Variants in BRK1 observed in about 807,000 individuals in gnomAD.
BRK1 encodes BRICK1 subunit of SCAR/WAVE actin nucleating complex.
In BRK1, 6 loss-of-function variants were observed where a neutral mutation model predicts 9.9. The observed-to-expected ratio is 0.60, with a 90% CI of 0.33 to 1.19. BRK1 has a LOEUF of 1.19. Ranked by LOEUF, BRK1 falls within the 50% of genes most tolerant of loss-of-function variation. The pLI is 0.04. For missense variants in BRK1, 62 were observed against 97.5 expected, an observed-to-expected ratio of 0.64 and a Z score of 1.53; for synonymous variants, 44 against 31.9, an observed-to-expected ratio of 1.38 and a Z score of -1.28.
chr3:10,121,530 A>C (rs1695755620), intron 1 of BRK1, among the ~76,000 whole-genome samples: 1 of 149,854 alleles, frequency 6.7e-6, no homozygotes, highest in Admixed American at 6.6e-5. Context: ...TGTTCCACTA[A>C]TATACCAGAA....
intron 1 of BRK1, among the ~76,000 whole-genome samples, chr3:10,122,957 A>T (rs1437583483): frequency 6.6e-6 from 1 of 152,204 alleles, no homozygotes; most frequent in Non-Finnish European, 1.5e-5. Flanking sequence ...CAGGGAATAG[A>T]TGAAAAGGAA....
intron 1 of BRK1, among the ~76,000 whole-genome samples, chr3:10,118,238 C>T (rs1166355131): frequency 7.3e-6 from 1 of 137,046 alleles, no homozygotes; most frequent in Non-Finnish European, 1.5e-5. Flanking sequence ...GGGCAAAAGA[C>T]GAGACTCTGT....
At position 10,123,732 on chromosome 3, in the gene BRK1, C is replaced by CTTTTTTTTTTTTT. The variant is rs71626962; in HGVS notation, c.119-1885_119-1873dup. On this transcript the variant is annotated intron_variant, in intron 1 of 2. Transcript: ENST00000530758. ...ACAGGCCTGAGCCACCGTGCCTGGC[C>CTTTTTTTTTTTTT]TTTTTTTTTTTTTTTTTTTTTGAGA... Among the ~76,000 whole-genome samples, 3 of 48,694 alleles carry CTTTTTTTTTTTTT rather than the reference C, an allele frequency of 6.2e-5. 1 individual carries two copies. The highest frequency in any genetic ancestry group is 4.5e-4 in the African/African-American group (3 of 6,698). 31.9% of individuals were successfully genotyped at this position (48,694 alleles called of 152,430 possible).
intron 1 of BRK1, among the ~76,000 whole-genome samples, chr3:10,122,991 A>G (rs1695779436): frequency 6.6e-6 from 1 of 152,202 alleles, no homozygotes; most frequent in African/African-American, 2.4e-5. Context: ...GTGTTAAATC[A>G]TTGCGTGGGA....
chr3:10,118,268 A>C (rs1695712756), intron 1 of BRK1, among the ~76,000 whole-genome samples: 1 of 151,932 alleles, frequency 6.6e-6, no homozygotes, highest in South Asian at 2.1e-4. Context: ...AAAAAAAAAA[A>C]AAGATTGACA....
Position 10,126,283 on chromosome 3 carries a change from G to C in BRK1, c.216G>C (p.Glu72Asp). The change falls in exon 3 of 3, where the codon GAG becomes GAC. Residue 72 changes from glutamate (E) to aspartate (D), a missense_variant. Transcript: ENST00000530758. ...EYIEARVTKGETLT is the reference protein window; with the variant it reads ...EYIEARVTKGDTLT ...TCCTTTCACAGGTGACAAAAGGTGA[G>C]ACACTCACCTAGAACAGTGCCGTGC... The C allele has an allele frequency of 1.3e-6, 2 of 1,559,628 alleles. No homozygotes were observed. The highest frequency in any genetic ancestry group is 1.7e-6 in the Non-Finnish European group (2 of 1,156,040).
At position 10,126,399 on chromosome 3, in the gene BRK1, G is replaced by A. The variant is rs1369650211; in HGVS notation, c.*104G>A. 3 of 1,024,472 alleles carry A rather than the reference G, an allele frequency of 2.9e-6. No homozygotes were observed. The highest frequency in any genetic ancestry group is 2.9e-6 in the Non-Finnish European group (2 of 691,180). 63.5% of individuals were successfully genotyped at this position (1,024,472 alleles called of 1,614,324 possible). A position where few individuals can be genotyped will look rare whatever the true frequency, so the allele number is the denominator to read the frequency against. On this transcript the variant is annotated 3_prime_UTR_variant, in exon 3 of 3. Coordinates refer to ENST00000530758, the MANE Select transcript of BRK1 (RefSeq NM_018462.5). ...CTTCCTTTCTCCTTAAAGAGCAACA[G>A]GGCTTATTCTTGTTTTTCTTTTTTC...
rs1375630094 is a variant in BRK1 at position 10,118,122 on chromosome 3, G to T, written c.118+2303G>T. 2.6e-5 allele frequency among the ~76,000 whole-genome samples: 4 copies of T among 151,952 alleles called. No homozygotes were observed. In the East Asian group the frequency reaches 5.8e-4, roughly 22 times the overall value. ...TACAAAATTAGCTGGGCATGGTGTTGCACACCTGTAATCCCAGCTACTCAG... is the reference window on the plus strand; with the variant it reads ...TACAAAATTAGCTGGGCATGGTGTTTCACACCTGTAATCCCAGCTACTCAG... On this transcript the variant is annotated intron_variant, in intron 1 of 2. Transcript: ENST00000530758.
At chr3:10,125,590 T>G (rs1695828761) in intron 1 of BRK1, 36 bp from the exon 2 acceptor site, 1 of 1,331,124 alleles carries the variant, frequency 7.5e-7, no homozygotes, top group Non-Finnish European at 1.1e-6. Context: ...GTGTTTGGAG[T>G]GACATTAATC....
intron 1 of BRK1, among the ~76,000 whole-genome samples, chr3:10,118,037 C>T (rs1471382125): frequency 4.6e-5 from 7 of 152,100 alleles, no homozygotes; most frequent in African/African-American, 1.7e-4. Flanking sequence ...GAGCAGATCA[C>T]CTGAGGTCGA....
intron 1 of BRK1, among the ~76,000 whole-genome samples, chr3:10,120,731 C>T (rs1427994810): frequency 1.3e-5 from 2 of 152,280 alleles, no homozygotes; most frequent in African/African-American, 4.8e-5. Context: ...AAGGTTTCTG[C>T]AGTTGAACAT....
At chr3:10,120,755 A>G (rs551103256) in intron 1 of BRK1, among the ~76,000 whole-genome samples, 1 of 152,292 alleles carries the variant, frequency 6.6e-6, no homozygotes, top group African/African-American at 2.4e-5. Flanking sequence ...CTATTTCTCA[A>G]CAGTGTTTAT....
intron 1 of BRK1, among the ~76,000 whole-genome samples, chr3:10,119,788 A>AT (rs1406552294): frequency 6.6e-6 from 1 of 152,190 alleles, no homozygotes; most frequent in East Asian, 1.9e-4. Flanking sequence ...TTCTTATGCT[A>AT]TTTTTTTCTG....
intron 2 of BRK1, 36 bp from the exon 3 acceptor site, chr3:10,126,233 A>AT (rs764885813): frequency 6.8e-7 from 1 of 1,469,348 alleles, no homozygotes; most frequent in South Asian, 1.4e-5. Flanking sequence ...ATCTTTTTTA[A>AT]TTTATCTAAA....
In BRK1 at chr3:10,126,259, C is replaced by T; in HGVS notation, c.202-10C>T. 6.6e-7 allele frequency: 1 copy of T among 1,523,712 alleles called. No individual in the cohort carries two copies. Among genetic ancestry groups the T allele is most frequent in the South Asian group, 1.3e-5 (1 of 77,862 alleles). 94.4% of individuals were successfully genotyped at this position (1,523,712 alleles called of 1,614,324 possible). On this transcript the variant is annotated splice_polypyrimidine_tract_variant and intron_variant, in intron 2 of 2. Transcript: ENST00000530758. Reference sequence around the variant, plus strand: ...TTTATCTAAATGTCAGTTTTCCTTTCCTTTCACAGGTGACAAAAGGTGAGA... The same window carrying T: ...TTTATCTAAATGTCAGTTTTCCTTTTCTTTCACAGGTGACAAAAGGTGAGA...
In BRK1 at chr3:10,115,773, A is replaced by C; in HGVS notation, c.72A>C (p.Ile24=). The C allele has an allele frequency of 1.2e-6, 2 of 1,613,954 alleles. No individual in the cohort carries two copies. Among genetic ancestry groups the C allele is most frequent in the Non-Finnish European group, 1.7e-6 (2 of 1,179,876 alleles). ...GGGCTAACCGGGAGTACATTGAGAT[A>C]ATCACCAGCAGCATCAAGAAAATCG... ...QDWANREYIE[I]ITSSIKKIAD... Residue 24 remains isoleucine (I), a synonymous_variant, in exon 1 of 3, where the codon ATA becomes ATC. Transcript: ENST00000530758.
At chr3:10,125,565 T>C in intron 1 of BRK1, 61 bp from the exon 2 acceptor site, 1 of 964,640 alleles carries the variant, frequency 1.0e-6, no homozygotes, top group South Asian at 1.4e-5. Flanking sequence ...GTAGGTGTTG[T>C]GTGTGTCTGT....
intron 1 of BRK1, among the ~76,000 whole-genome samples, chr3:10,117,920 A>C (rs555454152): frequency 6.6e-6 from 1 of 152,344 alleles, no homozygotes; most frequent in South Asian, 2.1e-4. Context: ...ATGCAGGATT[A>C]ACAGTCAAAG....
intron 1 of BRK1, among the ~76,000 whole-genome samples, chr3:10,123,501 T>C (rs1320423303): frequency 2.0e-5 from 3 of 149,570 alleles, no homozygotes; most frequent in Non-Finnish European, 1.5e-5. Flanking sequence ...AGTGGTGCAA[T>C]CTCGGCTCAC....
Sources: allele counts gnomAD v4.1 joint callset (sites outside exome capture counted in the v4.1 genomes callset), GRCh38; gene constraint gnomAD v4.1.1; transcripts MANE v1.5; gene names NCBI Gene and HGNC (gene_info 2026-07-23, HGNC 2026-07-21).